Variants in SORCS1 observed in about 807,000 individuals in gnomAD.
SORCS1 encodes VPS10 domain-containing receptor SorCS1.
In SORCS1, 60 loss-of-function variants were observed where a neutral mutation model predicts 146.1. The ratio of observed to expected loss-of-function variants is 0.41; its 90% CI spans 0.33 to 0.51. The LOEUF (loss-of-function observed/expected upper bound fraction) is 0.51. Among genes scored for constraint, SORCS1 ranks in the 20% least tolerant of loss-of-function variants. The probability of loss-of-function intolerance (pLI) is 0.21; values close to 1 mark genes in which losing one functional copy is unlikely to be tolerated. For synonymous variants in SORCS1, 637 were observed against 584.0 expected (o/e 1.09, Z -1.31); for missense variants, 1,352 against 1,487.6 (o/e 0.91, Z 1.50).
chr10:106,600,500 CTG>C, intron 23 of SORCS1: 1 of 984,386 alleles, frequency 1.0e-6, no homozygotes, highest in Non-Finnish European at 1.2e-6. Context: ...GAGTATGAAA[CTG>C]TTGACAGATT....
At chr10:106,778,460 G>C (rs917412804) in intron 3 of SORCS1, among the ~76,000 whole-genome samples, 3 of 152,026 alleles carry the variant, frequency 2.0e-5, no homozygotes, top group African/African-American at 7.2e-5. Context: ...GGCCGACAAG[G>C]AGCCATCAGG....
intron 25 of SORCS1, chr10:106,578,903 G>A: frequency 9.9e-6 from 14 of 1,417,088 alleles, no homozygotes; most frequent in Non-Finnish European, 1.3e-5. Flanking sequence ...AAACTAGATA[G>A]AAGCAAGAGG....
rs527320588 is a variant in SORCS1 at position 106,769,633 on chromosome 10, C to T, written c.885+6901G>A. On this transcript the variant is annotated intron_variant, in intron 4 of 25. Transcript: ENST00000263054. The stretch of plus-strand genomic sequence containing the variant: ...AGGACTGGTAGAGAGAGAAAGAAGG[C>T]AGAGAACTAAAATTAGTTCTTTTTT... Among the ~76,000 whole-genome samples the T allele has an allele frequency of 2.0e-5, 3 of 152,100 alleles. No individual in the cohort carries two copies. In the East Asian group the frequency reaches 5.8e-4, roughly 29 times the overall value.
chr10:107,004,464 C>T (rs576455268), intron 1 of SORCS1, among the ~76,000 whole-genome samples: 15 of 152,238 alleles, frequency 9.9e-5, no homozygotes, highest in Non-Finnish European at 2.2e-4. Context: ...TCCATGGGAG[C>T]AGGCAAGAGA....
At chr10:106,952,586 A>ACTATG (rs1954742106) in intron 2 of SORCS1, among the ~76,000 whole-genome samples, 1 of 147,438 alleles carries the variant, frequency 6.8e-6, no homozygotes, top group Non-Finnish European at 1.5e-5. Context: ...ACTATGTTAT[A>ACTATG]TTATATATTA....
chr10:106,820,613 G>A (rs1589469748), intron 3 of SORCS1, among the ~76,000 whole-genome samples: 1 of 152,342 alleles, frequency 6.6e-6, no homozygotes, highest in East Asian at 1.9e-4. Flanking sequence ...TTGTTTTCAT[G>A]ACAGCACCAG....
rs543988768 is a variant in SORCS1, at chr10:106,665,336, ATCTCCTTACTTCTCCTT to A, written c.2303+2336_2303+2352del. On this transcript the variant is annotated intron_variant, in intron 17 of 25. Coordinates refer to ENST00000263054, the MANE Select transcript of SORCS1 (RefSeq NM_052918.5). ...AAACTGGCTGATTGGTAAGGTTCCT[ATCTCCTTACTTCTCCTT>A]TCTCCTTCTTCCTTCCCTTTTTTTT... Among the ~76,000 whole-genome samples the A allele has an allele frequency of 9.8e-4, 148 of 150,480 alleles. 1 individual carries two copies. Among genetic ancestry groups the A allele is most frequent in the African/African-American group, 3.5e-3 (143 of 41,066 alleles).
At chr10:106,874,246 T>C (rs1203222231) in intron 2 of SORCS1, among the ~76,000 whole-genome samples, 1 of 152,178 alleles carries the variant, frequency 6.6e-6, no homozygotes, top group African/African-American at 2.4e-5. Flanking sequence ...TTTTTTATCC[T>C]AAGTGAGGAG....
chr10:106,744,340 C>T (rs1857567862), intron 5 of SORCS1, among the ~76,000 whole-genome samples: 2 of 152,080 alleles, frequency 1.3e-5, no homozygotes, highest in African/African-American at 4.8e-5. Flanking sequence ...CTCCTGACCT[C>T]GTGATCCGCC....
intron 1 of SORCS1, among the ~76,000 whole-genome samples, chr10:107,088,105 A>G (rs1299233251): frequency 3.7e-5 from 3 of 80,500 alleles, no homozygotes; most frequent in Non-Finnish European, 8.5e-5. Context: ...TTTTTACTAG[A>G]GACGGGGTTT....
In SORCS1 at chr10:106,926,163, T is replaced by C. The variant is rs545021725; in HGVS notation, c.626+30350A>G. 3.9e-5 allele frequency among the ~76,000 whole-genome samples: 6 copies of C among 152,320 alleles called. No homozygotes were observed. In the East Asian group the frequency reaches 1.2e-3, roughly 29 times the overall value. On this transcript the variant is annotated intron_variant, in intron 2 of 25. Transcript: ENST00000263054. ...TAGTTATTTGTATCCTTAAGAGTTA[T>C]GTTTATCACAGCATTCTTTGTGGTA...
intron 1 of SORCS1, among the ~76,000 whole-genome samples, chr10:107,156,731 A>G (rs1426453187): frequency 6.6e-6 from 1 of 152,200 alleles, no homozygotes; most frequent in Non-Finnish European, 1.5e-5. Context: ...TAGGTTTCCT[A>G]TATGGGAAGA....
Position 106,867,210 on chromosome 10 carries a change from A to C in SORCS1, c.627-37537T>G, listed in dbSNP as rs541805083. On this transcript the variant is annotated intron_variant, in intron 2 of 25. Coordinates refer to ENST00000263054, the MANE Select transcript of SORCS1 (RefSeq NM_052918.5). The stretch of plus-strand genomic sequence containing the variant: ...GAGAAAAAAGGTAGGTCACCTACAA[A>C]GGGAATCCCATGAGGCTAACAGTAG... Among the ~76,000 whole-genome samples, 8 of 152,368 alleles carry C rather than the reference A, an allele frequency of 5.3e-5. No homozygotes were observed. In the East Asian group the frequency reaches 1.3e-3, roughly 26 times the overall value.
chr10:106,900,596 A>T (rs1291213060), intron 2 of SORCS1, among the ~76,000 whole-genome samples: 1 of 152,132 alleles, frequency 6.6e-6, no homozygotes, highest in African/African-American at 2.4e-5. Flanking sequence ...AGTGAGATTA[A>T]GCTTCAATCA....
intron 3 of SORCS1, among the ~76,000 whole-genome samples, chr10:106,806,096 A>G (rs1194161536): frequency 3.2e-4 from 41 of 127,294 alleles, no homozygotes; most frequent in Admixed American, 8.1e-4. Flanking sequence ...TAGGCCGGGC[A>G]CGGTGGCTCA....
At chr10:107,092,158 G>A (rs942343683) in intron 1 of SORCS1, among the ~76,000 whole-genome samples, 1 of 152,216 alleles carries the variant, frequency 6.6e-6, no homozygotes, top group African/African-American at 2.4e-5. Flanking sequence ...GTTCAGAAAT[G>A]CTTCTAAGCA....
chr10:106,619,250 T>C (rs925372804), intron 20 of SORCS1, among the ~76,000 whole-genome samples: 2 of 152,194 alleles, frequency 1.3e-5, no homozygotes, highest in African/African-American at 4.8e-5. Flanking sequence ...CCGCTATGGA[T>C]AGAGGGCCCA....
At chr10:107,131,256 A>G (rs1839195490) in intron 1 of SORCS1, among the ~76,000 whole-genome samples, 2 of 152,190 alleles carry the variant, frequency 1.3e-5, no homozygotes, top group Non-Finnish European at 2.9e-5. Flanking sequence ...TCTCTGACTT[A>G]GATCTTTCAC....
chr10:106,962,622 T>G (rs1030723175), intron 1 of SORCS1, among the ~76,000 whole-genome samples: 2 of 152,124 alleles, frequency 1.3e-5, no homozygotes, highest in African/African-American at 2.4e-5. Context: ...CTGAATAATG[T>G]AGATGATGAC....
Sources: gnomAD v4.1 joint callset for allele counts (sites outside exome capture counted in the v4.1 genomes callset) on GRCh38, gnomAD v4.1.1 for gene constraint, MANE v1.5 for transcripts, NCBI Gene and HGNC (gene_info 2026-07-23, HGNC 2026-07-21) for gene names.